Variants in NEDD9 observed in about 807,000 individuals in gnomAD.
NEDD9 encodes enhancer of filamentation 1.
Under a neutral mutation model 76.6 loss-of-function variants are expected in NEDD9, and 26 were observed. That is an observed-to-expected ratio of 0.34 (90% CI 0.25 to 0.47). The LOEUF (loss-of-function observed/expected upper bound fraction) is 0.47, where lower values mean the gene tolerates loss of function less well. Among genes scored for constraint, NEDD9 ranks in the 20% least tolerant of loss-of-function variants. The pLI is 1.00. For missense variants in NEDD9, 937 were observed against 1,058.5 expected, an observed-to-expected ratio of 0.89 and a Z score of 1.59; for synonymous variants, 392 against 414.2, an observed-to-expected ratio of 0.95 and a Z score of 0.65.
chr6:11,361,902 A>G (rs950765707), intron 1 of NEDD9, among the ~76,000 whole-genome samples: 1 of 152,304 alleles, frequency 6.6e-6, no homozygotes, highest in Middle Eastern at 3.4e-3. Context: ...AGCCTGGCAT[A>G]TGGAGAAAAA....
chr6:11,332,125 G>C (rs2113503135), intron 2 of NEDD9, among the ~76,000 whole-genome samples: 1 of 152,324 alleles, frequency 6.6e-6, no homozygotes, highest in Non-Finnish European at 1.5e-5. Context: ...TCATTTGAGG[G>C]TCTTTGTAAT....
intron 3 of NEDD9, among the ~76,000 whole-genome samples, chr6:11,289,778 C>T (rs1760727455): frequency 1.3e-5 from 2 of 152,236 alleles, no homozygotes; most frequent in Middle Eastern, 3.4e-3. Flanking sequence ...TTTATTTTCT[C>T]TCCCTAGCTG....
chr6:11,325,198 TA>T, intron 2 of NEDD9, among the ~76,000 whole-genome samples: 2 of 151,962 alleles, frequency 1.3e-5, no homozygotes, highest in Middle Eastern at 3.4e-3. Flanking sequence ...CTACTAAAAA[TA>T]CAAAAATTAG....
At position 11,188,204 on chromosome 6, in the gene NEDD9, C is replaced by G. The variant is rs375304031; in HGVS notation, c.1995+14G>C. The stretch of plus-strand genomic sequence containing the variant: ...TTTCCAATGCCAAGCAGTTTTTGCT[C>G]TGATTGAACTTACCTGATGATGTTC... On this transcript the variant is annotated intron_variant, in intron 6 of 6. Transcript: ENST00000379446. 2 of 1,610,300 alleles carry G rather than the reference C, an allele frequency of 1.2e-6. No homozygotes were observed. Among genetic ancestry groups the G allele is most frequent in the African/African-American group, 2.7e-5 (2 of 74,868 alleles).
At chr6:11,299,856 C>T (rs1760995852) in intron 3 of NEDD9, among the ~76,000 whole-genome samples, 1 of 152,282 alleles carries the variant, frequency 6.6e-6, no homozygotes, top group South Asian at 2.1e-4. Context: ...ATCTGTAGGT[C>T]ACCAATGTCA....
At chr6:11,242,725 C>A (rs1664322625) in intron 3 of NEDD9, among the ~76,000 whole-genome samples, 1 of 151,716 alleles carries the variant, frequency 6.6e-6, no homozygotes, top group African/African-American at 2.4e-5. Context: ...CCACCCTGCT[C>A]TCTGCAAGTA....
chr6:11,380,710 G>A (rs1174965952), intron 1 of NEDD9, among the ~76,000 whole-genome samples: 1 of 152,182 alleles, frequency 6.6e-6, no homozygotes, highest in Non-Finnish European at 1.5e-5. Context: ...TTATTTACGT[G>A]TAGAGGAAGA....
At chr6:11,215,445 A>T (rs1758925994) in intron 1 of NEDD9, among the ~76,000 whole-genome samples, 1 of 152,220 alleles carries the variant, frequency 6.6e-6, no homozygotes, top group Non-Finnish European at 1.5e-5. Flanking sequence ...CATAAAGAAA[A>T]AATCAGGCAG....
At chr6:11,376,283 G>A (rs538148610) in intron 1 of NEDD9, among the ~76,000 whole-genome samples, 1 of 152,296 alleles carries the variant, frequency 6.6e-6, no homozygotes, top group Non-Finnish European at 1.5e-5. Flanking sequence ...GTAAGGGAGA[G>A]GCTGGAAGAG....
chr6:11,323,641 A>C (rs1255667600), intron 2 of NEDD9, among the ~76,000 whole-genome samples: 1 of 152,208 alleles, frequency 6.6e-6, no homozygotes, highest in African/African-American at 2.4e-5. Context: ...TCTGGCCCCA[A>C]ATGTTCATGG....
upstream of NEDD9, among the ~76,000 whole-genome samples, chr6:11,234,962 TCA>T (rs1406000737): frequency 6.6e-6 from 1 of 152,166 alleles, no homozygotes; most frequent in Non-Finnish European, 1.5e-5. Context: ...TCTACCTGCT[TCA>T]GTCTCCCAAA....
chr6:11,353,145 T>C (rs992254673), intron 1 of NEDD9, among the ~76,000 whole-genome samples: 2 of 152,248 alleles, frequency 1.3e-5, no homozygotes, highest in Non-Finnish European at 2.9e-5. Context: ...TTGACCAAGA[T>C]CAAAGAGTTA....
At chr6:11,237,345 G>A (rs564032078), upstream of NEDD9, among the ~76,000 whole-genome samples, 9 of 152,306 alleles carry the variant, frequency 5.9e-5, no homozygotes, top group African/African-American at 2.2e-4. This position sits in a 1 kb window ranked among gnomAD's most constrained non-coding sequence, Gnocchi z 4.9. Flanking sequence ...CAATGAGTAA[G>A]AAGATAAATG....
rs903674901 is a variant in NEDD9 at position 11,185,123 on chromosome 6, G to C, written c.*39C>G. On this transcript the variant is annotated 3_prime_UTR_variant, in exon 7 of 7. Coordinates refer to ENST00000379446, the MANE Select transcript of NEDD9 (RefSeq NM_006403.4). ...CAGACAGTATTTCCAGTTTTCCTTA[G>C]TAACCGTTAACGCAGTCCCCTTCCT... 1.8e-5 allele frequency: 28 copies of C among 1,551,102 alleles called. No individual in the cohort carries two copies. The highest frequency in any genetic ancestry group is 2.8e-5 in the African/African-American group (2 of 72,592).
At chr6:11,197,639 G>A (rs768885559) in intron 2 of NEDD9, among the ~76,000 whole-genome samples, 4 of 152,160 alleles carry the variant, frequency 2.6e-5, no homozygotes, top group Non-Finnish European at 5.9e-5. Context: ...GGTCCTGGCA[G>A]GATAGGATCA....
intron 3 of NEDD9, among the ~76,000 whole-genome samples, chr6:11,245,594 A>G (rs1759790889): frequency 1.3e-5 from 2 of 152,116 alleles, no homozygotes; most frequent in Admixed American, 1.3e-4. Context: ...TACCTATTAC[A>G]GTAGCAGCCA....
intron 3 of NEDD9, among the ~76,000 whole-genome samples, chr6:11,303,167 G>C (rs368368892): frequency 4.6e-5 from 7 of 152,324 alleles, no homozygotes; most frequent in African/African-American, 1.7e-4. Context: ...CTTCAGCAAA[G>C]TTTCAGGATA....
chr6:11,286,849 A>G (rs1216469645), intron 3 of NEDD9, among the ~76,000 whole-genome samples: 1 of 152,156 alleles, frequency 6.6e-6, no homozygotes, highest in East Asian at 1.9e-4. Flanking sequence ...TGGGATTACA[A>G]AGGGGCATGA....
chr6:11,261,082 T>C (rs1315861831), intron 3 of NEDD9, among the ~76,000 whole-genome samples: 1 of 152,192 alleles, frequency 6.6e-6, no homozygotes, highest in Non-Finnish European at 1.5e-5. Flanking sequence ...TGGCACAAGA[T>C]GTTTTGTGGC....
Sources: allele counts gnomAD v4.1 joint callset (sites outside exome capture counted in the v4.1 genomes callset), GRCh38; gene constraint gnomAD v4.1.1; non-coding constraint Gnocchi (gnomAD v3.1); transcripts MANE v1.5; gene names NCBI Gene and HGNC (gene_info 2026-07-23, HGNC 2026-07-21).